Variants in COQ8A observed in about 807,000 individuals in gnomAD.
COQ8A encodes the protein atypical kinase COQ8A, mitochondrial.
COQ8A carries 51 observed loss-of-function variants against 65.0 expected under a neutral mutation model. That is an observed-to-expected ratio of 0.78 (90% confidence interval 0.63 to 0.99). The LOEUF (loss-of-function observed/expected upper bound fraction) is 0.99. Among genes scored for constraint, COQ8A ranks in the 50% least tolerant of loss-of-function variants. COQ8A has a pLI of 0.00. For missense variants in COQ8A, 940 were observed against 875.0 expected, an observed-to-expected ratio of 1.07 and a Z score of -0.94; for synonymous variants, 371 against 353.2, an observed-to-expected ratio of 1.05 and a Z score of -0.57.
At chr1:226,960,317 TTGG>T (rs1451126275) in intron 1 of COQ8A, among the ~76,000 whole-genome samples, 5 of 143,878 alleles carry the variant, frequency 3.5e-5, no homozygotes, top group African/African-American at 5.3e-5. Context: ...GTGGCGGTAC[TTGG>T]TGGTGGTATC....
At chr1:226,982,624 T>C in intron 6 of COQ8A, 54 bp from the exon 7 acceptor site, 1 of 1,588,764 alleles carries the variant, frequency 6.3e-7, no homozygotes, top group Non-Finnish European at 8.6e-7. Context: ...GCCCAGGTCC[T>C]GGGCGCACAC....
At chr1:226,974,344 A>G (rs572909732) in intron 4 of COQ8A, among the ~76,000 whole-genome samples, 1 of 152,348 alleles carries the variant, frequency 6.6e-6, no homozygotes, top group African/African-American at 2.4e-5. Context: ...GGCTGCTCAC[A>G]GTGGCTTTAG....
chr1:226,953,638 G>A (rs570134059), intron 1 of COQ8A, among the ~76,000 whole-genome samples: 5 of 152,316 alleles, frequency 3.3e-5, no homozygotes, highest in South Asian at 4.1e-4. Context: ...GCTCACTGAC[G>A]GGGGAAGGAC....
At chr1:226,960,476 CAGT>C (rs1658160012) in intron 1 of COQ8A, among the ~76,000 whole-genome samples, 1 of 16,042 alleles carries the variant, frequency 6.2e-5, no homozygotes, top group Non-Finnish European at 1.4e-4. Context: ...GTGGTGGTGG[CAGT>C]GGTACTTGGT....
At chr1:226,953,985 G>A (rs558877854) in intron 1 of COQ8A, among the ~76,000 whole-genome samples, 7 of 152,312 alleles carry the variant, frequency 4.6e-5, no homozygotes, top group Middle Eastern at 3.4e-3. Flanking sequence ...TTTCAAGGAC[G>A]TAAAGGAATG....
chr1:226,966,020 C>T (rs1351644137), intron 4 of COQ8A, among the ~76,000 whole-genome samples: 5 of 152,270 alleles, frequency 3.3e-5, no homozygotes, highest in Admixed American at 1.3e-4. Flanking sequence ...CGCCTGGAGG[C>T]GGTGTCTGCA....
Position 226,965,753 on chromosome 1 carries a change from G to A in COQ8A, c.655+16G>A, listed in dbSNP as rs1185427992. 1 of 1,612,806 alleles carries A rather than the reference G, an allele frequency of 6.2e-7. No homozygotes were observed. Among genetic ancestry groups the A allele is most frequent in the Non-Finnish European group, 8.5e-7 (1 of 1,179,712 alleles). ...AACTTCGGAGGTAAGGTGGCTGTGT[G>A]CCCCTGGACTGCCTCACCTGCCCTG... On this transcript the variant is annotated intron_variant, in intron 4 of 14. Transcript: ENST00000366777.
rs1332320114 is a variant in COQ8A at position 226,983,565 on chromosome 1, C to G, written c.1094C>G (p.Ala365Gly). 15 of 1,613,756 alleles carry G rather than the reference C, an allele frequency of 9.3e-6. No individual in the cohort carries two copies. The highest frequency in any genetic ancestry group is 1.7e-5 in the Admixed American group (1 of 60,014). Residue 365 changes from alanine to glycine, a missense_variant, in exon 9 of 15, where the codon GCC (alanine) becomes GGC (glycine). Ala to Gly is a moderately conservative substitution (Grantham distance 60). Coordinates refer to ENST00000366777, the MANE Select transcript of COQ8A (RefSeq NM_020247.5). ...ATACCCCCACAGTACCCTGGCGTGG[C>G]CCAGAGCATCAACAGTGATGTCAAC... ...VAMKIQYPGV[A>G]QSINSDVNNL...
intron 1 of COQ8A, chr1:226,958,133 A>G (rs566009229): frequency 2.2e-4 from 33 of 152,322 alleles, no homozygotes; most frequent in African/African-American, 7.5e-4. Context: ...AGTCCTAATA[A>G]TAAAGCCCCT....
intron 1 of COQ8A, among the ~76,000 whole-genome samples, chr1:226,961,036 AG>A (rs1658221160): frequency 6.6e-6 from 1 of 152,146 alleles, no homozygotes; most frequent in Non-Finnish European, 1.5e-5. Context: ...GCCTGACTCA[AG>A]TCCTGGTTCT....
chr1:226,981,126 C>T (rs1659659555), intron 5 of COQ8A, among the ~76,000 whole-genome samples: 3 of 152,210 alleles, frequency 2.0e-5, no homozygotes, highest in South Asian at 4.1e-4. Flanking sequence ...GCTGGAGGCC[C>T]GGCGACAAGG....
intron 1 of COQ8A, among the ~76,000 whole-genome samples, chr1:226,957,914 G>T (rs1388091755): frequency 3.3e-5 from 5 of 152,166 alleles, no homozygotes; most frequent in Non-Finnish European, 7.3e-5. Flanking sequence ...AAAGGTCAGA[G>T]AGTGAAAGTT....
Position 226,977,441 on chromosome 1 carries a change from C to G in COQ8A, c.656-8C>G, listed in dbSNP as rs1659307625. The G allele has an allele frequency of 6.4e-7, 1 of 1,558,194 alleles. No individual in the cohort carries two copies. Among genetic ancestry groups the G allele is most frequent in the African/African-American group, 1.4e-5 (1 of 73,922 alleles). On this transcript the variant is annotated splice_polypyrimidine_tract_variant and splice_region_variant and intron_variant, in intron 4 of 14. Transcript: ENST00000366777. ...GAGCACTGAGTGCCCGCCCCCTCCT[C>G]CTTGCAGGTCTGGCCGTGGGCCTGG...
intron 4 of COQ8A, among the ~76,000 whole-genome samples, chr1:226,966,238 TGCCATGGCCTCCA>T (rs1244319850): frequency 3.9e-5 from 6 of 152,254 alleles, no homozygotes; most frequent in Non-Finnish European, 5.9e-5. Context: ...AGTGACAAGA[TGCCATGGCCTCCA>T]GCTGCTGCTG....
chr1:226,956,129 CTCTCCCTGGTTCCCAT>C (rs1657730448), intron 1 of COQ8A, among the ~76,000 whole-genome samples: 1 of 142,632 alleles, frequency 7.0e-6, no homozygotes, highest in African/African-American at 2.8e-5. Flanking sequence ...CTGGTTCACA[CTCTCCCTGGTTCCCAT>C]TCTCCCTGGT....
In COQ8A at chr1:226,952,536, C is replaced by T. The variant is rs1477154556; in HGVS notation, c.-9-8841C>T. ...GCTCAAGCGATCCTCCCACCTCAGC[C>T]TTCTGAGTAGCTGGGACTACAGGTG... On this transcript the variant is annotated intron_variant, in intron 1 of 14. Transcript: ENST00000366777. Among the ~76,000 whole-genome samples the T allele has an allele frequency of 2.6e-5, 4 of 152,086 alleles. No homozygotes were observed. The East Asian group carries it at 7.7e-4, about 29-fold the overall frequency.
chr1:226,954,644 A>G (rs1362677737), intron 1 of COQ8A, among the ~76,000 whole-genome samples: 1 of 152,242 alleles, frequency 6.6e-6, no homozygotes, highest in African/African-American at 2.4e-5. Context: ...AGTTGCCAGC[A>G]AGTGTGAGCC....
At chr1:226,978,590 C>T (rs1227005397) in intron 5 of COQ8A, among the ~76,000 whole-genome samples, 3 of 89,262 alleles carry the variant, frequency 3.4e-5, no homozygotes, top group African/African-American at 9.0e-5. Context: ...ACACTCTCCA[C>T]ACACTCTACC....
intron 5 of COQ8A, among the ~76,000 whole-genome samples, chr1:226,978,107 TCACA>T (rs1316612972): frequency 1.5e-5 from 2 of 132,142 alleles, no homozygotes; most frequent in Non-Finnish European, 3.2e-5. Flanking sequence ...CCCGCACACG[TCACA>T]CACCCCCTGC....
Sources: allele counts gnomAD v4.1 joint callset (sites outside exome capture counted in the v4.1 genomes callset), GRCh38; gene constraint gnomAD v4.1.1; transcripts MANE v1.5; gene names NCBI Gene and HGNC (gene_info 2026-07-23, HGNC 2026-07-21).